ABTB2: variants seen among roughly 807,000 people sequenced by gnomAD.
ABTB2 encodes ankyrin repeat and BTB/POZ domain-containing protein 2.
A neutral mutation model predicts 104.1 loss-of-function variants in ABTB2; 56 were observed. The ratio of observed to expected loss-of-function variants is 0.54; its 90% CI spans 0.43 to 0.67. The LOEUF (loss-of-function observed/expected upper bound fraction) is 0.67, where lower values mean the gene tolerates loss of function less well. ABTB2 is among the 30% of genes least tolerant of loss of function. The probability of loss-of-function intolerance (pLI) is 0.00; values close to 1 mark genes in which losing one functional copy is unlikely to be tolerated. For missense variants in ABTB2, 1,279 were observed against 1,407.7 expected, an observed-to-expected ratio of 0.91 and a Z score of 1.46; for synonymous variants, 606 against 608.2, an observed-to-expected ratio of 1.00 and a Z score of 0.05.
chr11:34,229,717 A>C (rs1416011802), intron 1 of ABTB2, among the ~76,000 whole-genome samples: 1 of 152,228 alleles, frequency 6.6e-6, no homozygotes, highest in African/African-American at 2.4e-5. Context: ...TGTTTTCTAC[A>C]GAAAAATATA....
intron 1 of ABTB2, among the ~76,000 whole-genome samples, chr11:34,290,687 G>GA (rs1854557192): frequency 6.6e-6 from 1 of 151,720 alleles, no homozygotes; most frequent in Non-Finnish European, 1.5e-5. Flanking sequence ...TATAAAAAAT[G>GA]AAAAAAGAAA....
At chr11:34,320,793 A>T (rs1289328366) in intron 1 of ABTB2, among the ~76,000 whole-genome samples, 1 of 152,216 alleles carries the variant, frequency 6.6e-6, no homozygotes, top group Non-Finnish European at 1.5e-5. Flanking sequence ...CAAGCAGCAC[A>T]TTCAAGCTTG....
At chr11:34,294,468 T>C (rs1011857651) in intron 1 of ABTB2, among the ~76,000 whole-genome samples, 7 of 152,030 alleles carry the variant, frequency 4.6e-5, no homozygotes. Context: ...TGGGAGAGAA[T>C]CAGTGGGAAA....
intron 1 of ABTB2, among the ~76,000 whole-genome samples, chr11:34,270,193 T>C (rs1046743275): frequency 2.0e-5 from 3 of 152,172 alleles, no homozygotes. Context: ...AATTCTCCTC[T>C]AGAATCCTAG....
At chr11:34,306,874 G>A (rs756304382) in intron 1 of ABTB2, among the ~76,000 whole-genome samples, 1 of 150,740 alleles carries the variant, frequency 6.6e-6, no homozygotes, top group African/African-American at 2.4e-5. Flanking sequence ...GTTCTGATGA[G>A]TTCAGCACAT....
At chr11:34,257,815 T>A (rs1590232307) in intron 1 of ABTB2, among the ~76,000 whole-genome samples, 1 of 152,036 alleles carries the variant, frequency 6.6e-6, no homozygotes, top group Non-Finnish European at 1.5e-5. Context: ...GTCTGAATGG[T>A]CTCAAACTCC....
At chr11:34,237,585 C>G (rs1853862175) in intron 1 of ABTB2, among the ~76,000 whole-genome samples, 1 of 152,072 alleles carries the variant, frequency 6.6e-6, no homozygotes, top group African/African-American at 2.4e-5. Context: ...CTGGACATTT[C>G]CCAGTTCAGG....
chr11:34,330,235 C>A (rs763281222), intron 1 of ABTB2, among the ~76,000 whole-genome samples: 13 of 152,140 alleles, frequency 8.5e-5, no homozygotes, highest in Admixed American at 4.6e-4. Context: ...AGAATAGGAG[C>A]CAGTACTGCC....
At chr11:34,192,707 C>T (rs1853195814) in intron 3 of ABTB2, among the ~76,000 whole-genome samples, 1 of 152,224 alleles carries the variant, frequency 6.6e-6, no homozygotes, top group African/African-American at 2.4e-5. Context: ...CATTCCCACT[C>T]TCTCTGCCTG....
chr11:34,227,722 CT>C (rs1044950816), intron 1 of ABTB2, among the ~76,000 whole-genome samples: 8 of 151,430 alleles, frequency 5.3e-5, no homozygotes, highest in Non-Finnish European at 7.4e-5. Flanking sequence ...GTAATTGTAA[CT>C]TTTTTTTTCT....
intron 1 of ABTB2, among the ~76,000 whole-genome samples, chr11:34,354,352 C>T (rs1333349741): frequency 1.3e-5 from 2 of 152,064 alleles, no homozygotes; most frequent in East Asian, 1.9e-4. Flanking sequence ...TGTGGTGGCT[C>T]ACGCCTGTCG....
At chr11:34,321,180 CT>C (rs1400343560) in intron 1 of ABTB2, among the ~76,000 whole-genome samples, 1 of 152,124 alleles carries the variant, frequency 6.6e-6, no homozygotes, top group Non-Finnish European at 1.5e-5. Context: ...AAAACTCCAT[CT>C]CAAAAACAAA....
chr11:34,242,373 G>A (rs1163831160), intron 1 of ABTB2: 1 of 152,230 alleles, frequency 6.6e-6, no homozygotes, highest in Non-Finnish European at 1.5e-5. Context: ...GGAAATCGTG[G>A]GGTCTGAGCT....
chr11:34,235,141 G>A (rs1238229293), intron 1 of ABTB2, among the ~76,000 whole-genome samples: 9 of 152,110 alleles, frequency 5.9e-5, no homozygotes, highest in Admixed American at 4.6e-4. Context: ...GATTACAGGC[G>A]TGAGCCACCG....
chr11:34,188,577 T>TCCA (rs1853132881), intron 3 of ABTB2, among the ~76,000 whole-genome samples: 4 of 152,206 alleles, frequency 2.6e-5, no homozygotes, highest in Non-Finnish European at 5.9e-5. Flanking sequence ...GCTATTCTTA[T>TCCA]TTCATTTACT....
intron 2 of ABTB2, among the ~76,000 whole-genome samples, chr11:34,203,575 G>A (rs1018341725): frequency 6.6e-6 from 1 of 152,134 alleles, no homozygotes; most frequent in Non-Finnish European, 1.5e-5. Context: ...CCTGCCTACT[G>A]TAATGTCACC....
intron 1 of ABTB2, among the ~76,000 whole-genome samples, chr11:34,240,618 G>A (rs1036041050): frequency 5.3e-5 from 8 of 152,172 alleles, no homozygotes; most frequent in African/African-American, 9.6e-5. Flanking sequence ...TTTGAGATGG[G>A]GTCTCACTCT....
chr11:34,160,222 G>A, intron 12 of ABTB2, 26 bp downstream of exon 12: 16 of 1,562,210 alleles, frequency 1.0e-5, no homozygotes, highest in Non-Finnish European at 1.4e-5. Context: ...GTGTGGTGAT[G>A]CAGGGCGCAG....
chr11:34,237,818 G>A (rs1853864823), intron 1 of ABTB2, among the ~76,000 whole-genome samples: 4 of 152,280 alleles, frequency 2.6e-5, no homozygotes, highest in African/African-American at 9.6e-5. Context: ...TTGAACCTGG[G>A]AGGTGGGAAG....
Sources: gnomAD v4.1 joint callset for allele counts (sites outside exome capture counted in the v4.1 genomes callset) on GRCh38, gnomAD v4.1.1 for gene constraint, MANE v1.5 for transcripts, NCBI Gene and HGNC (gene_info 2026-07-23, HGNC 2026-07-21) for gene names.